The following NAPG variants were observed in gnomAD, a reference collection of about 807,000 sequenced individuals.
NAPG encodes the protein NSF attachment protein gamma.
Under a neutral mutation model 48.4 loss-of-function variants are expected in NAPG, and 25 were observed. The ratio of observed to expected loss-of-function variants is 0.52; its 90% CI spans 0.38 to 0.72. The LOEUF is 0.72. NAPG is among the 30% of genes least tolerant of loss of function. NAPG has a pLI of 0.00. For synonymous variants in NAPG, 139 were observed against 127.2 expected, an observed-to-expected ratio of 1.09 and a Z score of -0.62; for missense variants, 359 against 372.5, an observed-to-expected ratio of 0.96 and a Z score of 0.30.
chr18:10,546,470 T>C lies in NAPG; in HGVS notation c.585+66T>C. 1.1e-6 allele frequency: 1 copy of C among 892,538 alleles called. No individual in the cohort carries two copies. Among genetic ancestry groups the C allele is most frequent in the South Asian group, 1.7e-5 (1 of 60,062 alleles). 55.3% of individuals were successfully genotyped at this position (892,538 alleles called of 1,614,324 possible). ...GATTTTTTATACTGGTATGAATAAGTACTTAAGAAAGGATTCTATGGGTAT... is the reference window on the plus strand; with the variant it reads ...GATTTTTTATACTGGTATGAATAAGCACTTAAGAAAGGATTCTATGGGTAT... On this transcript the variant is annotated intron_variant, in intron 9 of 11. Transcript: ENST00000322897. This position sits in a 1 kb window ranked among gnomAD's most constrained non-coding sequence, Gnocchi z 4.0.
At chr18:10,529,575 A>T (rs1286223090) in intron 1 of NAPG, among the ~76,000 whole-genome samples, 1 of 152,328 alleles carries the variant, frequency 6.6e-6, no homozygotes, top group East Asian at 1.9e-4. Flanking sequence ...CAACATGGCG[A>T]AACCTCTTCT....
chr18:10,545,820 T>G (rs1424867550), intron 8 of NAPG, among the ~76,000 whole-genome samples: 2 of 152,324 alleles, frequency 1.3e-5, no homozygotes, highest in East Asian at 3.9e-4. Context: ...AGGCTTTTGT[T>G]TAGGTCTCTA....
At position 10,546,303 on chromosome 18, in the gene NAPG, T is replaced by TA; in HGVS notation, c.507-22dup. On this transcript the variant is annotated intron_variant, in intron 8 of 11. Transcript: ENST00000322897. The surrounding 1 kb of genome is among the most constrained non-coding windows in gnomAD (Gnocchi z 4.0). ...ATAGATCATTTAGACCTGCTTTTTTTACATTTCTGTGTTTTGTTTTAGGTT... is the reference window on the plus strand; with the variant it reads ...ATAGATCATTTAGACCTGCTTTTTTTAACATTTCTGTGTTTTGTTTTAGGTT... The TA allele has an allele frequency of 2.7e-6, 4 of 1,503,408 alleles. No homozygotes were observed. The highest frequency in any genetic ancestry group is 3.6e-6 in the Non-Finnish European group (4 of 1,103,610). 93.1% of individuals were successfully genotyped at this position (1,503,408 alleles called of 1,614,324 possible).
In NAPG at chr18:10,544,816, C is replaced by A. The variant is rs1953087768; in HGVS notation, c.507-1510C>A. ...ACCCAGCTTATAAATTGACTTTGTT[C>A]CAAAAATTTATCAAGTTGACCTGTG... is the stretch of plus-strand genomic sequence containing the variant. On this transcript the variant is annotated intron_variant, in intron 8 of 11. Transcript: ENST00000322897. The surrounding 1 kb of genome is among the most constrained non-coding windows in gnomAD (Gnocchi z 5.1). Among the ~76,000 whole-genome samples the A allele has an allele frequency of 6.6e-6, 1 of 152,144 alleles. No homozygotes were observed. The highest frequency in any genetic ancestry group is 1.5e-5 in the Non-Finnish European group (1 of 68,028).
At chr18:10,526,246 G>GGGGGGT in intron 1 of NAPG, 88 bp downstream of exon 1, 1 of 490,184 alleles carries the variant, frequency 2.0e-6, no homozygotes, top group Non-Finnish European at 4.2e-6. Context: ...GGGCGGGAGG[G>GGGGGGT]AGGGCTCAGG....
chr18:10,533,955 G>A (rs1402208849), intron 4 of NAPG, among the ~76,000 whole-genome samples: 1 of 152,122 alleles, frequency 6.6e-6, no homozygotes, highest in Non-Finnish European at 1.5e-5. Context: ...GACCAGCCTG[G>A]CCAACTTGGT....
At chr18:10,540,171 C>T (rs1056697599) in intron 7 of NAPG, 117 bp downstream of exon 7, 47 of 1,065,100 alleles carry the variant, frequency 4.4e-5, no homozygotes, top group Non-Finnish European at 5.7e-5. Context: ...CACAGTTGCA[C>T]GCTATTTCTT....
intron 8 of NAPG, among the ~76,000 whole-genome samples, chr18:10,545,709 C>T (rs2032249064): frequency 6.6e-6 from 1 of 152,210 alleles, no homozygotes; most frequent in African/African-American, 2.4e-5. Flanking sequence ...TGACCCCTTT[C>T]CTTGCTTTCG....
At chr18:10,541,890 G>A (rs1267737287) in intron 8 of NAPG, among the ~76,000 whole-genome samples, 1 of 152,312 alleles carries the variant, frequency 6.6e-6, no homozygotes, top group East Asian at 1.9e-4. Flanking sequence ...CTAAAGCTGT[G>A]TTGTAGAGGG....
chr18:10,543,276 C>T lies in NAPG; in HGVS notation c.506+2877C>T, dbSNP rs564507912. On this transcript the variant is annotated intron_variant, in intron 8 of 11. Coordinates refer to ENST00000322897, the MANE Select transcript of NAPG (RefSeq NM_003826.3). This position sits in a 1 kb window ranked among gnomAD's most constrained non-coding sequence, Gnocchi z 4.4. The stretch of plus-strand genomic sequence containing the variant: ...ACCCAAATCCCTCCTAGAAGACTCA[C>T]TTAGCAAAGAAAAGAGCTGCTTCTC... Among the ~76,000 whole-genome samples, 2 of 152,230 alleles carry T rather than the reference C, an allele frequency of 1.3e-5. No homozygotes were observed. Among genetic ancestry groups the T allele is most frequent in the South Asian group, 2.1e-4 (1 of 4,830 alleles).
At position 10,544,594 on chromosome 18, in the gene NAPG, C is replaced by T. The variant is rs529571517; in HGVS notation, c.507-1732C>T. 2.0e-5 allele frequency among the ~76,000 whole-genome samples: 3 copies of T among 152,184 alleles called. No homozygotes were observed. The highest frequency in any genetic ancestry group is 4.4e-5 in the Non-Finnish European group (3 of 68,036). On this transcript the variant is annotated intron_variant, in intron 8 of 11. Coordinates refer to ENST00000322897, the MANE Select transcript of NAPG (RefSeq NM_003826.3). This position sits in a 1 kb window ranked among gnomAD's most constrained non-coding sequence, Gnocchi z 5.1. ...TTCGAGACATCAGGAGTACTCTGGC[C>T]TCTAACTTAAGGAAGGGCCCACCTG...
Position 10,548,175 on chromosome 18 carries a change from TA to T in NAPG, c.586-123del. The T allele has an allele frequency of 1.5e-6, 1 of 683,992 alleles. No individual in the cohort carries two copies. The highest frequency in any genetic ancestry group is 2.5e-6 in the Non-Finnish European group (1 of 392,438). The allele number at this position is 683,992 out of a possible 1,614,324, so 42.4% of individuals were successfully genotyped here. On this transcript the variant is annotated intron_variant, in intron 9 of 11. Transcript: ENST00000322897. The surrounding 1 kb of genome is among the most constrained non-coding windows in gnomAD (Gnocchi z 4.4). ...GTCCCGTGGAAGTTACTATAGCATT[TA>T]TAAATCTCTGTTTATACAAACAAAG... is the stretch of plus-strand genomic sequence containing the variant.
Position 10,550,430 on chromosome 18 carries a change from C to G in NAPG, c.*210C>G. 2.2e-6 allele frequency: 1 copy of G among 454,662 alleles called. No homozygotes were observed. Among genetic ancestry groups the G allele is most frequent in the East Asian group, 4.6e-5 (1 of 21,890 alleles). 28.2% of individuals were successfully genotyped at this position (454,662 alleles called of 1,614,324 possible). A position where few individuals can be genotyped will look rare whatever the true frequency, so the allele number is the denominator to read the frequency against. On this transcript the variant is annotated 3_prime_UTR_variant, in exon 12 of 12. Coordinates refer to ENST00000322897, the MANE Select transcript of NAPG (RefSeq NM_003826.3). ...TCTTTTTCTTTCCATAAGAGCTTTT[C>G]TAAGACACCAGCAGGAATTAACAGA...
chr18:10,545,886 G>A (rs1455162251), intron 8 of NAPG, among the ~76,000 whole-genome samples: 1 of 152,204 alleles, frequency 6.6e-6, no homozygotes, highest in Non-Finnish European at 1.5e-5. Flanking sequence ...AGGGCCACTG[G>A]GGCAGCAGCG....
rs1349885712 is a variant in NAPG at position 10,543,236 on chromosome 18, G to A, written c.506+2837G>A. On this transcript the variant is annotated intron_variant, in intron 8 of 11. Coordinates refer to ENST00000322897, the MANE Select transcript of NAPG (RefSeq NM_003826.3). The surrounding 1 kb of genome is among the most constrained non-coding windows in gnomAD (Gnocchi z 4.4). ...AAGGTCTATGCCTCTGAGACAAGGT[G>A]TGTGGTCTCAGTGAACCCAAATCCC... Among the ~76,000 whole-genome samples, 3 of 152,100 alleles carry A rather than the reference G, an allele frequency of 2.0e-5. No homozygotes were observed. The highest frequency in any genetic ancestry group is 4.4e-5 in the Non-Finnish European group (3 of 68,022).
Position 10,534,328 on chromosome 18 carries a change from A to T in NAPG, c.228-138A>T. The T allele has an allele frequency of 1.8e-6, 1 of 557,558 alleles. No individual in the cohort carries two copies. The highest frequency in any genetic ancestry group is 3.3e-6 in the Non-Finnish European group (1 of 306,652). 34.5% of individuals were successfully genotyped at this position (557,558 alleles called of 1,614,324 possible). A position where few individuals can be genotyped will look rare whatever the true frequency, so the allele number is the denominator to read the frequency against. On this transcript the variant is annotated intron_variant, in intron 4 of 11. Coordinates refer to ENST00000322897, the MANE Select transcript of NAPG (RefSeq NM_003826.3). The surrounding 1 kb of genome is among the most constrained non-coding windows in gnomAD (Gnocchi z 5.0). The stretch of plus-strand genomic sequence containing the variant: ...ATAAAAAATTATATTGTGTGGTAAT[A>T]TAAGCCTGAAGTGATATGTTGTGCA...
intron 8 of NAPG, among the ~76,000 whole-genome samples, chr18:10,545,071 G>T (rs534065897): frequency 3.3e-5 from 5 of 152,206 alleles, no homozygotes; most frequent in African/African-American, 7.2e-5. Context: ...CAGCACTTTG[G>T]GGGGCTGAGG....
intron 1 of NAPG, chr18:10,526,476 G>A (rs2031814362): frequency 2.8e-6 from 1 of 360,256 alleles, no homozygotes; most frequent in Non-Finnish European, 5.1e-6. Context: ...TGAAGATTGT[G>A]GTGGGGGCTG....
At chr18:10,528,807 T>A (rs1293525954) in intron 1 of NAPG, among the ~76,000 whole-genome samples, 2 of 151,922 alleles carry the variant, frequency 1.3e-5, no homozygotes, top group African/African-American at 4.8e-5. Flanking sequence ...AGGCTTGAAG[T>A]GTTAGTTTGA....
Sources: allele counts gnomAD v4.1 joint callset (sites outside exome capture counted in the v4.1 genomes callset), GRCh38; gene constraint gnomAD v4.1.1; non-coding constraint Gnocchi (gnomAD v3.1); transcripts MANE v1.5; gene names NCBI Gene and HGNC (gene_info 2026-07-23, HGNC 2026-07-21).